The following CNOT3 variants were observed in gnomAD, a reference collection of about 807,000 sequenced individuals.
The protein encoded by CNOT3 is CCR4-associated factor 3.
In CNOT3, 2 loss-of-function variants were observed where a neutral mutation model predicts 89.4. The ratio of observed to expected loss-of-function variants is 0.02; its 90% CI spans 0.01 to 0.07. The LOEUF (loss-of-function observed/expected upper bound fraction) is 0.07. Among genes scored for constraint, CNOT3 ranks in the 10% least tolerant of loss-of-function variants. CNOT3 has a pLI of 1.00. For synonymous variants in CNOT3, 486 were observed against 402.0 expected, an observed-to-expected ratio of 1.21 and a Z score of -2.50; for missense variants, 664 against 1,010.2, an observed-to-expected ratio of 0.66 and a Z score of 4.65.
At position 54,143,177 on chromosome 19, in the gene CNOT3, T is replaced by C. The variant is rs1170754570; in HGVS notation, c.84T>C (p.Ile28=). The change falls in exon 3 of 18, where the codon ATT becomes ATC. Residue 28 remains isoleucine, a synonymous_variant. Transcript: ENST00000221232. Reference sequence around the variant, plus strand: ...AGGGCGTGGAGCAGTTTGAAGATATTTGGCAGAAGGTACAGGGGCTGAGAC... The same window carrying C: ...AGGGCGTGGAGCAGTTTGAAGATATCTGGCAGAAGGTACAGGGGCTGAGAC... ...VSEGVEQFED[I]WQKLHNAANA... 1 of 1,613,740 alleles carries C rather than the reference T, an allele frequency of 6.2e-7. No individual in the cohort carries two copies. Among genetic ancestry groups the C allele is most frequent in the Non-Finnish European group, 8.5e-7 (1 of 1,179,828 alleles).
intron 17 of CNOT3, chr19:54,154,295 G>A (rs981725638): frequency 3.8e-5 from 12 of 319,288 alleles, no homozygotes; most frequent in Non-Finnish European, 6.3e-5. Context: ...GGCTTCTCAA[G>A]TTCTAATACT....
At chr19:54,146,205 CTG>C (rs1317148857) in intron 9 of CNOT3, among the ~76,000 whole-genome samples, 162 bp downstream of exon 9, 1 of 152,224 alleles carries the variant, frequency 6.6e-6, no homozygotes, top group Non-Finnish European at 1.5e-5. Context: ...GGTCCTATAT[CTG>C]GGTCCCTAAA....
intron 16 of CNOT3, 88 bp from the exon 17 acceptor site, chr19:54,153,627 G>T (rs1209303167): frequency 2.0e-6 from 2 of 1,001,892 alleles, no homozygotes; most frequent in African/African-American, 1.6e-5. Flanking sequence ...GGGGGCCGGG[G>T]TTCAGCCCTG....
chr19:54,155,069 C>T (rs2075338503), intron 17 of CNOT3: 2 of 555,792 alleles, frequency 3.6e-6, no homozygotes, highest in Admixed American at 3.5e-5. Flanking sequence ...CCCGTTCTGG[C>T]AGCTGGCTTC....
chr19:54,139,017 G>A (rs1034086228), intron 1 of CNOT3, among the ~76,000 whole-genome samples: 8 of 152,176 alleles, frequency 5.3e-5, no homozygotes, highest in African/African-American at 1.7e-4. Flanking sequence ...TGTTGCTGGG[G>A]GCTGCTGGGA....
In CNOT3 at chr19:54,145,917, G is replaced by C; in HGVS notation, c.711G>C (p.Ala237=). ...DDLDLEDIPQ[A]LVATSPPSHS... ...CTTCTTCTGCCCCCACAGCACAGGC[G>C]CTGGTCGCCACCTCCCCCCCCAGCC... Residue 237 remains alanine, a synonymous_variant, in exon 9 of 18, where the codon GCG becomes GCC. Transcript: ENST00000221232. This position sits in a 1 kb window ranked among gnomAD's most constrained non-coding sequence, Gnocchi z 5.9. The C allele has an allele frequency of 6.2e-7, 1 of 1,613,436 alleles. No individual in the cohort carries two copies. Among genetic ancestry groups the C allele is most frequent in the Non-Finnish European group, 8.5e-7 (1 of 1,179,898 alleles).
chr19:54,153,885 G>A (rs777772573), intron 17 of CNOT3, 45 bp downstream of exon 17: 2 of 1,613,480 alleles, frequency 1.2e-6, no homozygotes, highest in Non-Finnish European at 1.7e-6. Context: ...GGTTGGGGTA[G>A]AGTCCCCAGG....
chr19:54,147,597 C>T (rs1278522682), intron 10 of CNOT3, among the ~76,000 whole-genome samples: 2 of 152,166 alleles, frequency 1.3e-5, no homozygotes, highest in African/African-American at 2.4e-5. Flanking sequence ...GCTCAGCAGC[C>T]CGAGTGCTGT....
At chr19:54,140,247 T>TC in intron 1 of CNOT3, among the ~76,000 whole-genome samples, 1 of 151,818 alleles carries the variant, frequency 6.6e-6, no homozygotes, top group Non-Finnish European at 1.5e-5. Flanking sequence ...CCTGCTCACC[T>TC]CCCCCCACCC....
Position 54,144,158 on chromosome 19 carries a change from G to C in CNOT3, c.387+24G>C. 6.2e-7 allele frequency: 1 copy of C among 1,609,122 alleles called. No homozygotes were observed. The highest frequency in any genetic ancestry group is 1.1e-5 in the South Asian group (1 of 90,496). ...CGGTGAGTTGGGGTAGAGAAGAGGAGGTGAACTCTGAGGATCCTGAGCCCT... is the reference window on the plus strand; with the variant it reads ...CGGTGAGTTGGGGTAGAGAAGAGGACGTGAACTCTGAGGATCCTGAGCCCT... On this transcript the variant is annotated intron_variant, in intron 6 of 17. Coordinates refer to ENST00000221232, the MANE Select transcript of CNOT3 (RefSeq NM_014516.4). This position sits in a 1 kb window ranked among gnomAD's most constrained non-coding sequence, Gnocchi z 4.8.
chr19:54,148,143 C>G lies in CNOT3; in HGVS notation c.895-5C>G, dbSNP rs373233998. ...TCCTGACCCTCTGCTCTCTCCCACC[C>G]GCAGTCTCCAGCCAAAAACGGCTCC... On this transcript the variant is annotated splice_polypyrimidine_tract_variant and splice_region_variant and intron_variant, in intron 10 of 17. Transcript: ENST00000221232. This position sits in a 1 kb window ranked among gnomAD's most constrained non-coding sequence, Gnocchi z 6.3. 1.3e-6 allele frequency: 2 copies of G among 1,492,222 alleles called. No homozygotes were observed. The highest frequency in any genetic ancestry group is 1.4e-5 in the South Asian group (1 of 73,164). The allele number at this position is 1,492,222 out of a possible 1,614,324, so 92.4% of individuals were successfully genotyped here. A position where few individuals can be genotyped will look rare whatever the true frequency, so the allele number is the denominator to read the frequency against.
intron 1 of CNOT3, 85 bp from the exon 2 acceptor site, chr19:54,142,844 C>T (rs2074507877): frequency 1.2e-6 from 1 of 846,454 alleles, no homozygotes; most frequent in African/African-American, 1.6e-5. Context: ...GTCCCACCTA[C>T]CTCACTATGC....
At chr19:54,139,819 T>G (rs1232116573) in intron 1 of CNOT3, among the ~76,000 whole-genome samples, 1 of 151,986 alleles carries the variant, frequency 6.6e-6, no homozygotes, top group Non-Finnish European at 1.5e-5. Context: ...GTGTAGACTT[T>G]CCAAGGTGGG....
chr19:54,153,846 G>C lies in CNOT3; in HGVS notation c.2163+6G>C, dbSNP rs1568692945. The C allele has an allele frequency of 1.9e-6, 3 of 1,614,168 alleles. No homozygotes were observed. The highest frequency in any genetic ancestry group is 2.7e-5 in the African/African-American group (2 of 75,042). ...TCACTGACGAGTTTGAGCAGGTGAG[G>C]GCCCCGCCCCCTCTCTTCCCGCTGC... On this transcript the variant is annotated splice_donor_region_variant and intron_variant, in intron 17 of 17. Transcript: ENST00000221232.
Position 54,155,436 on chromosome 19 carries a change from TC to T in CNOT3, c.*34del, listed in dbSNP as rs763696909. On this transcript the variant is annotated 3_prime_UTR_variant, in exon 18 of 18. Transcript: ENST00000221232. ...CGGCCCCTCCCTCTACCCACCCCCT[TC>T]CCCCGCATGCTGATCCCCCTGCCCA... 1.9e-5 allele frequency: 27 copies of T among 1,437,662 alleles called. No homozygotes were observed. In the South Asian group the frequency reaches 3.1e-4, roughly 16 times the overall value. 89.1% of individuals were successfully genotyped at this position (1,437,662 alleles called of 1,614,324 possible). A position where few individuals can be genotyped will look rare whatever the true frequency, so the allele number is the denominator to read the frequency against.
chr19:54,146,742 C>G (rs2074694054), intron 10 of CNOT3, 85 bp downstream of exon 10: 2 of 806,548 alleles, frequency 2.5e-6, no homozygotes, highest in African/African-American at 1.7e-5. Context: ...GCGCCGGCCA[C>G]TGTGCTGGGC....
intron 3 of CNOT3, 87 bp from the exon 4 acceptor site, chr19:54,143,350 GTCCTC>G (rs2074534279): frequency 1.4e-5 from 19 of 1,342,054 alleles, no homozygotes; most frequent in Non-Finnish European, 1.8e-5. Context: ...GTTGGGGGGG[GTCCTC>G]GAGTCCCTAG....
intron 1 of CNOT3, among the ~76,000 whole-genome samples, chr19:54,139,495 G>A (rs1287237214): frequency 6.6e-6 from 1 of 152,092 alleles, no homozygotes; most frequent in East Asian, 1.9e-4. Flanking sequence ...TCCCTCTGGG[G>A]CTGTGCCTTC....
In CNOT3 at chr19:54,149,754, T is replaced by G. The variant is rs756597833; in HGVS notation, c.1601T>G (p.Ile534Ser). 4 of 1,605,628 alleles carry G rather than the reference T, an allele frequency of 2.5e-6. No homozygotes were observed. Among genetic ancestry groups the G allele is most frequent in the Non-Finnish European group, 3.4e-6 (4 of 1,175,228 alleles). The change falls in exon 13 of 18, where the codon ATC becomes AGC. Residue 534 changes from isoleucine to serine, a missense_variant. By Grantham distance (142) the Ile-to-Ser change is moderately radical. Transcript: ENST00000221232. ...CCACAGTTCAGCACCGCCCCAGAAA[T>G]CAAGGTGGGCTCCTCGGACATCCCC... The part of the protein sequence containing the change: ...GPPQFSTAPE[I>S]KAPEPLSSLK...
Sources: allele counts gnomAD v4.1 joint callset (sites outside exome capture counted in the v4.1 genomes callset), GRCh38; gene constraint gnomAD v4.1.1; non-coding constraint Gnocchi (gnomAD v3.1); transcripts MANE v1.5; gene names NCBI Gene and HGNC (gene_info 2026-07-23, HGNC 2026-07-21).